Variants in SPAG17 observed in about 807,000 individuals in gnomAD.
SPAG17 encodes the protein sperm associated antigen 17, also known as sperm-associated antigen 17.
Under a neutral mutation model 273.6 loss-of-function variants are expected in SPAG17, and 169 were observed. The observed-to-expected ratio is 0.62, with a 90% CI of 0.55 to 0.70. SPAG17 has a LOEUF of 0.70. Ranked by LOEUF, SPAG17 falls within the 30% of genes least tolerant of loss-of-function variation. The pLI is 0.00. For missense variants in SPAG17, 2,557 were observed against 2,627.8 expected (o/e 0.97, Z 0.59); for synonymous variants, 825 against 873.2 (o/e 0.94, Z 0.97).
At chr1:118,012,031 A>C (rs1659523781) in intron 30 of SPAG17, among the ~76,000 whole-genome samples, 197 bp downstream of exon 30, 1 of 152,024 alleles carries the variant, frequency 6.6e-6, no homozygotes, top group African/African-American at 2.4e-5. Context: ...CAAATATCAA[A>C]ATAAGTAATG....
At chr1:118,136,283 T>A (rs1463599727) in intron 3 of SPAG17, among the ~76,000 whole-genome samples, 4 of 152,134 alleles carry the variant, frequency 2.6e-5, no homozygotes, top group Admixed American at 2.0e-4. Flanking sequence ...GAAGTTTAAT[T>A]TTAACAAATG....
In SPAG17 at chr1:117,970,096, G is replaced by C; in HGVS notation, c.6347C>G (p.Pro2116Arg). ...DFCRFKVKQP[P>R]PSTGLKVTYK... is the part of the protein sequence containing the mutation. ...AGTCACTTTCAGTCCTGTGCTGGGT[G>C]GGGGCTGCTTTACTTTAAACCTACA... Residue 2116 changes from proline to arginine, a missense_variant, in exon 46 of 49, where the codon CCA (proline) becomes CGA (arginine). By Grantham distance (103) the Pro-to-Arg change is moderately radical (BLOSUM62 -2). Coordinates refer to ENST00000336338, the MANE Select transcript of SPAG17 (RefSeq NM_206996.4). 6.2e-7 allele frequency: 1 copy of C among 1,613,086 alleles called. No homozygotes were observed. The highest frequency in any genetic ancestry group is 8.5e-7 in the Non-Finnish European group (1 of 1,179,610).
chr1:118,112,987 A>G (rs1656866819), intron 4 of SPAG17, among the ~76,000 whole-genome samples: 1 of 152,136 alleles, frequency 6.6e-6, no homozygotes, highest in African/African-American at 2.4e-5. Flanking sequence ...GTGATACCTT[A>G]AAACATTAGA....
chr1:118,108,679 G>A (rs529925470), intron 4 of SPAG17, among the ~76,000 whole-genome samples: 1 of 151,878 alleles, frequency 6.6e-6, no homozygotes, highest in South Asian at 2.1e-4. Flanking sequence ...GCATATGAAG[G>A]AAGAGTCAAG....
chr1:118,089,666 C>T (rs1488704358), intron 10 of SPAG17, among the ~76,000 whole-genome samples: 3 of 152,072 alleles, frequency 2.0e-5, no homozygotes, highest in African/African-American at 7.2e-5. Flanking sequence ...GAAATGGCAT[C>T]CAAATACTTT....
chr1:118,174,011 T>C (rs1660562419), intron 1 of SPAG17, among the ~76,000 whole-genome samples: 1 of 152,088 alleles, frequency 6.6e-6, no homozygotes, highest in African/African-American at 2.4e-5. Flanking sequence ...ATACCAATCT[T>C]CAAAACCTGG....
chr1:118,063,879 G>A (rs557094999), intron 18 of SPAG17, among the ~76,000 whole-genome samples: 57 of 152,008 alleles, frequency 3.7e-4, no homozygotes, highest in African/African-American at 1.3e-3. Flanking sequence ...GAATTAAAAC[G>A]AATTTACAAG....
At chr1:118,124,760 CTG>C (rs2102280724) in intron 3 of SPAG17, among the ~76,000 whole-genome samples, 1 of 152,296 alleles carries the variant, frequency 6.6e-6, no homozygotes, top group South Asian at 2.1e-4. Context: ...GATACAGAAA[CTG>C]AGGCCTGGTG....
intron 29 of SPAG17, among the ~76,000 whole-genome samples, chr1:118,012,779 A>G (rs774991285): frequency 6.6e-6 from 1 of 152,244 alleles, no homozygotes; most frequent in Non-Finnish European, 1.5e-5. Context: ...GCTCTGCAGA[A>G]CTTCCCCAGA....
At chr1:117,975,335 G>T (rs1393030746) in intron 43 of SPAG17, among the ~76,000 whole-genome samples, 1 of 152,158 alleles carries the variant, frequency 6.6e-6, no homozygotes, top group African/African-American at 2.4e-5. Flanking sequence ...TCTGTGGTTT[G>T]CTTTTGGTCA....
intron 48 of SPAG17, among the ~76,000 whole-genome samples, chr1:117,956,777 T>C (rs1652264737): frequency 6.6e-6 from 1 of 152,202 alleles, no homozygotes; most frequent in Admixed American, 6.5e-5. Context: ...AAGAATATCA[T>C]ATGAAGATGG....
In SPAG17 at chr1:118,031,808, C is replaced by T. The variant is rs1648510315; in HGVS notation, c.3493G>A (p.Val1165Met). The T allele has an allele frequency of 6.2e-7, 1 of 1,613,764 alleles. No individual in the cohort carries two copies. The highest frequency in any genetic ancestry group is 1.1e-5 in the South Asian group (1 of 91,060). The change falls in exon 25 of 49, where the codon GTG becomes ATG. Residue 1165 changes from valine to methionine, a missense_variant. Val to Met is a conservative substitution (Grantham distance 21, BLOSUM62 1). Transcript: ENST00000336338. ...LNIPSALTPTVVPVIVTVPQS... is the reference protein window; with the variant it reads ...LNIPSALTPTMVPVIVTVPQS... ...GGAACGGTCACTATAACAGGAACCA[C>T]TGTTGGAGTGAGTGCTGAAGGGATA...
At chr1:118,180,618 CA>C (rs1660897263) in intron 1 of SPAG17, among the ~76,000 whole-genome samples, 2 of 152,032 alleles carry the variant, frequency 1.3e-5, no homozygotes, top group East Asian at 3.9e-4. Flanking sequence ...AAAGAAAAGA[CA>C]AATATTTAAA....
intron 35 of SPAG17, 53 bp downstream of exon 35, chr1:117,994,353 C>T (rs1250752426): frequency 1.9e-6 from 3 of 1,555,032 alleles, no homozygotes; most frequent in East Asian, 4.6e-5. Flanking sequence ...GGTCCATTGC[C>T]CTTGGATGGA....
chr1:118,057,120 G>C (rs1354463557), intron 18 of SPAG17, among the ~76,000 whole-genome samples: 1 of 151,880 alleles, frequency 6.6e-6, no homozygotes, highest in South Asian at 2.1e-4. Context: ...GGGATTACAG[G>C]TGCCTGCCAC....
intron 1 of SPAG17, among the ~76,000 whole-genome samples, chr1:118,164,083 C>G (rs1010866383): frequency 6.6e-6 from 1 of 152,158 alleles, no homozygotes; most frequent in African/African-American, 2.4e-5. Context: ...TCTTCTGTCC[C>G]ATAAACAAGG....
chr1:117,994,701 GC>G (rs1158152594), intron 34 of SPAG17, among the ~76,000 whole-genome samples, 171 bp from the exon 35 acceptor site: 1 of 152,190 alleles, frequency 6.6e-6, no homozygotes, highest in East Asian at 1.9e-4. Context: ...GAAGGATGAA[GC>G]TTTTAGGCAC....
intron 3 of SPAG17, among the ~76,000 whole-genome samples, chr1:118,128,506 C>A (rs1423829684): frequency 2.0e-5 from 3 of 152,142 alleles, no homozygotes; most frequent in African/African-American, 7.2e-5. Context: ...TTCAGTATTT[C>A]CCTGCTTCGT....
At chr1:118,112,634 T>C (rs986770054) in intron 4 of SPAG17, among the ~76,000 whole-genome samples, 2 of 152,022 alleles carry the variant, frequency 1.3e-5, no homozygotes, top group Non-Finnish European at 2.9e-5. Context: ...ATATTTGGAG[T>C]TCATCAACAA....
Sources: allele counts gnomAD v4.1 joint callset (sites outside exome capture counted in the v4.1 genomes callset), GRCh38; gene constraint gnomAD v4.1.1; transcripts MANE v1.5; gene names NCBI Gene and HGNC (gene_info 2026-07-23, HGNC 2026-07-21).